KIF15: variants seen among roughly 807,000 people sequenced by gnomAD.
KIF15 encodes the protein kinesin family member 15.
In KIF15, 140 loss-of-function variants were observed where a neutral mutation model predicts 190.6. The ratio of observed to expected loss-of-function variants is 0.73; its 90% confidence interval spans 0.64 to 0.84. The LOEUF (loss-of-function observed/expected upper bound fraction) is 0.84, where lower values mean the gene tolerates loss of function less well. Ranked by LOEUF, KIF15 falls within the 40% of genes least tolerant of loss-of-function variation. The pLI is 0.00. For missense variants in KIF15, 1,372 were observed against 1,584.4 expected (o/e 0.87, Z 2.28); for synonymous variants, 528 against 551.3 (o/e 0.96, Z 0.59).
In KIF15 at chr3:44,773,442, G is replaced by A. The variant is rs1022776766; in HGVS notation, c.20-953G>A. Reference sequence around the variant, plus strand: ...CCCCAGCCCCACCCAGAAGGGGAGGGATGCAAGGAACTGCCACTCGCCCCA... The same window carrying A: ...CCCCAGCCCCACCCAGAAGGGGAGGAATGCAAGGAACTGCCACTCGCCCCA... On this transcript the variant is annotated intron_variant, in intron 1 of 34. Transcript: ENST00000326047. 3.3e-5 allele frequency among the ~76,000 whole-genome samples: 5 copies of A among 152,190 alleles called. 1 individual carries two copies. Among genetic ancestry groups the A allele is most frequent in the South Asian group, 4.1e-4 (2 of 4,830 alleles).
At position 44,803,044 on chromosome 3, in the gene KIF15, G is replaced by A. The variant is rs1197682430; in HGVS notation, c.1687+53G>A. The stretch of plus-strand genomic sequence containing the variant: ...CCATGTAGGAAGGGGCTGTTTTAAA[G>A]AGCATTTTTAGTGCCTTGTGACTAG... On this transcript the variant is annotated intron_variant, in intron 14 of 34. Transcript: ENST00000326047. 1.7e-5 allele frequency: 25 copies of A among 1,512,352 alleles called. No homozygotes were observed. The East Asian group carries it at 5.7e-4, about 35-fold the overall frequency. 93.7% of individuals were successfully genotyped at this position (1,512,352 alleles called of 1,614,324 possible).
intron 1 of KIF15, among the ~76,000 whole-genome samples, chr3:44,763,558 C>T (rs182900983): frequency 6.6e-6 from 1 of 152,202 alleles, no homozygotes; most frequent in East Asian, 1.9e-4. Flanking sequence ...CCTTGGCCTC[C>T]CAAAGTGCTG....
intron 8 of KIF15, 83 bp downstream of exon 8, chr3:44,794,509 G>T: frequency 2.0e-6 from 2 of 1,013,054 alleles, no homozygotes; most frequent in Non-Finnish European, 2.9e-6. Flanking sequence ...CAGTGTCTCA[G>T]TCAATGAGGA....
In KIF15 at chr3:44,843,228, A is replaced by G. The variant is rs1227105432; in HGVS notation, c.3689A>G (p.Glu1230Gly). 1.9e-6 allele frequency: 3 copies of G among 1,606,728 alleles called. No homozygotes were observed. Among genetic ancestry groups the G allele is most frequent in the Non-Finnish European group, 2.6e-6 (3 of 1,174,374 alleles). Residue 1230 changes from glutamate (E) to glycine (G), a missense_variant, in exon 30 of 35, where the codon GAA becomes GGA. Glu to Gly is a moderately conservative substitution (Grantham distance 98). Transcript: ENST00000326047. ...GQLDDIKRQKENSDQNHPDNQ... is the reference protein window; with the variant it reads ...GQLDDIKRQKGNSDQNHPDNQ... ...CTGGATGATATTAAAAGACAAAAGG[A>G]AAACAGGTGAGAAAGAACCACGAGA...
At chr3:44,775,071 G>A (rs1705810040) in intron 2 of KIF15, among the ~76,000 whole-genome samples, 183 bp from the exon 3 acceptor site, 1 of 151,924 alleles carries the variant, frequency 6.6e-6, no homozygotes, top group Non-Finnish European at 1.5e-5. Context: ...TTGCACTCCA[G>A]CCTGGGCAAC....
At chr3:44,847,211 T>TTCC (rs1223397283) in intron 30 of KIF15, among the ~76,000 whole-genome samples, 2 of 152,208 alleles carry the variant, frequency 1.3e-5, no homozygotes, top group African/African-American at 4.8e-5. Context: ...AGCTTCTGTT[T>TTCC]TCCTTCAAGA....
chr3:44,801,714 A>T, intron 12 of KIF15, 51 bp from the exon 13 acceptor site: 1 of 1,213,876 alleles, frequency 8.2e-7, no homozygotes, highest in Non-Finnish European at 1.2e-6. Flanking sequence ...ACGAAAATTT[A>T]GGGAAGTCAA....
At chr3:44,790,670 C>T (rs933592500) in intron 7 of KIF15, among the ~76,000 whole-genome samples, 5 of 147,810 alleles carry the variant, frequency 3.4e-5, no homozygotes, top group South Asian at 2.1e-4. Flanking sequence ...GCCTGGTATA[C>T]GTTTTCCCAT....
At chr3:44,830,706 T>C (rs1237112370) in intron 25 of KIF15, among the ~76,000 whole-genome samples, 190 bp from the exon 26 acceptor site, 1 of 152,192 alleles carries the variant, frequency 6.6e-6, no homozygotes, top group Non-Finnish European at 1.5e-5. Context: ...TTTTCACTGA[T>C]ACTTAGAGGA....
chr3:44,831,333 T>C (rs2125700188), intron 26 of KIF15, among the ~76,000 whole-genome samples: 1 of 152,336 alleles, frequency 6.6e-6, no homozygotes, highest in East Asian at 1.9e-4. Context: ...ACTACTAATG[T>C]ATTATTGTAT....
Position 44,841,032 on chromosome 3 carries a change from T to C in KIF15, c.3421-42T>C, listed in dbSNP as rs146109936. ...ACGTTTAAAAGAAATCTTTATAATA[T>C]CACTTAATTGGATATTTGGATGAGA... is the stretch of plus-strand genomic sequence containing the variant. On this transcript the variant is annotated intron_variant, in intron 28 of 34. Coordinates refer to ENST00000326047, the MANE Select transcript of KIF15 (RefSeq NM_020242.3). 5.5e-4 allele frequency: 832 copies of C among 1,502,430 alleles called. 3 individuals carry two copies. In the African/African-American group the frequency reaches 0.01, roughly 18 times the overall value. 93.1% of individuals were successfully genotyped at this position (1,502,430 alleles called of 1,614,324 possible). A position where few individuals can be genotyped will look rare whatever the true frequency, so the allele number is the denominator to read the frequency against.
rs1706862279 is a variant in KIF15, at chr3:44,794,273, A to G, written c.696A>G (p.Glu232=). 6.2e-7 allele frequency: 1 copy of G among 1,614,114 alleles called. No homozygotes were observed. The highest frequency in any genetic ancestry group is 8.5e-7 in the Non-Finnish European group (1 of 1,179,986). ...RRVASTSMNR[E]SSRSHAVFTI... The stretch of plus-strand genomic sequence containing the variant: ...TGGCATCAACATCAATGAACAGAGA[A>G]TCGTCTAGGTCTCATGCCGTCTTTA... Residue 232 remains glutamate (E), a synonymous_variant, in exon 8 of 35, where the codon GAA becomes GAG. Transcript: ENST00000326047.
Position 44,817,172 on chromosome 3 carries a change from T to G in KIF15, c.2549+2096T>G, listed in dbSNP as rs539020398. On this transcript the variant is annotated intron_variant, in intron 20 of 34. Transcript: ENST00000326047. ...GTCAGATGGGTAGATTGCAAAAATT[T>G]TCTCCCATTCTGTAGGTTGCCTGTT... is the stretch of plus-strand genomic sequence containing the variant. 5.3e-5 allele frequency among the ~76,000 whole-genome samples: 8 copies of G among 152,340 alleles called. No homozygotes were observed. In the South Asian group the frequency reaches 1.7e-3, roughly 32 times the overall value.
Position 44,800,572 on chromosome 3 carries a change from T to C in KIF15, c.1222+135T>C, listed in dbSNP as rs533228024. The C allele has an allele frequency of 1.6e-5, 13 of 795,952 alleles. No homozygotes were observed. The South Asian group carries it at 2.4e-4, about 15-fold the overall frequency. 49.3% of individuals were successfully genotyped at this position (795,952 alleles called of 1,614,324 possible). Reference sequence around the variant, plus strand: ...TATCTCTTTCTGCTTATTTCTCCTATATAGGAACATAGTGGTTTGTTTATA... The same window carrying C: ...TATCTCTTTCTGCTTATTTCTCCTACATAGGAACATAGTGGTTTGTTTATA... On this transcript the variant is annotated intron_variant, in intron 11 of 34. Coordinates refer to ENST00000326047, the MANE Select transcript of KIF15 (RefSeq NM_020242.3).
intron 3 of KIF15, among the ~76,000 whole-genome samples, chr3:44,776,616 T>C (rs1020830269): frequency 1.1e-4 from 17 of 152,160 alleles, no homozygotes; most frequent in Admixed American, 7.9e-4. Flanking sequence ...AGTGGATGAT[T>C]GAGAAGTACT....
chr3:44,821,277 T>C (rs1352904047), intron 20 of KIF15, among the ~76,000 whole-genome samples: 14 of 138,144 alleles, frequency 1.0e-4, no homozygotes, highest in African/African-American at 1.7e-4. Flanking sequence ...ACCTCCCTCC[T>C]GGACGGGGCG....
chr3:44,835,533 C>T (rs1366720592), intron 26 of KIF15, among the ~76,000 whole-genome samples: 6 of 152,094 alleles, frequency 3.9e-5, no homozygotes, highest in African/African-American at 1.4e-4. Flanking sequence ...TGTGAGCCAC[C>T]ATGCCTGGCC....
intron 1 of KIF15, among the ~76,000 whole-genome samples, chr3:44,768,499 C>T (rs1008419131): frequency 1.3e-5 from 2 of 152,118 alleles, no homozygotes; most frequent in African/African-American, 4.8e-5. Flanking sequence ...GGTGCAAATT[C>T]CCAGTGGCTC....
chr3:44,767,894 CAA>C (rs1181321859), intron 1 of KIF15, among the ~76,000 whole-genome samples: 6 of 37,134 alleles, frequency 1.6e-4, no homozygotes, highest in African/African-American at 3.1e-4. Context: ...GACTCCATCT[CAA>C]AAAAAAAAAA....
Sources: allele counts gnomAD v4.1 joint callset (sites outside exome capture counted in the v4.1 genomes callset), GRCh38; gene constraint gnomAD v4.1.1; transcripts MANE v1.5; gene names NCBI Gene and HGNC (gene_info 2026-07-23, HGNC 2026-07-21).